The following LRRIQ3 variants were observed in gnomAD, a reference collection of about 807,000 sequenced individuals.
The protein encoded by LRRIQ3 is leucine-rich repeat and IQ domain-containing protein 3.
A neutral mutation model predicts 59.3 loss-of-function variants in LRRIQ3; 75 were observed. That is an observed-to-expected ratio of 1.26 (90% CI 1.05 to 1.53). The LOEUF (loss-of-function observed/expected upper bound fraction) is 1.53. LRRIQ3 is among the 40% of genes most tolerant of loss of function. The pLI is 0.00. For synonymous variants in LRRIQ3, 250 were observed against 231.3 expected (o/e 1.08, Z -0.73); for missense variants, 831 against 710.0 (o/e 1.17, Z -1.94).
chr1:74,032,914 C>G (rs1380413019), intron 7 of LRRIQ3, among the ~76,000 whole-genome samples: 2 of 151,818 alleles, frequency 1.3e-5, no homozygotes, highest in Non-Finnish European at 2.9e-5. Context: ...AATCATGAGA[C>G]AGCAGAAAAG....
At chr1:74,162,496 C>A (rs138193433) in intron 3 of LRRIQ3, among the ~76,000 whole-genome samples, 8 of 151,516 alleles carry the variant, frequency 5.3e-5, no homozygotes, top group African/African-American at 1.9e-4. Flanking sequence ...AATCCTGGAA[C>A]GAAATAGAGT....
intron 6 of LRRIQ3, among the ~76,000 whole-genome samples, chr1:74,067,960 AC>A (rs2100461032): frequency 6.6e-6 from 1 of 152,176 alleles, no homozygotes; most frequent in East Asian, 1.9e-4. Flanking sequence ...CTATAAGGTA[AC>A]TTGCCAAACA....
intron 3 of LRRIQ3, chr1:74,180,956 A>G (rs550958794): frequency 1.5e-6 from 1 of 675,614 alleles, no homozygotes; most frequent in South Asian, 2.0e-5. Flanking sequence ...ATGGTTGTTT[A>G]GTTTTATTTT....
At chr1:74,066,903 C>T (rs11579809) in intron 6 of LRRIQ3, among the ~76,000 whole-genome samples, 49,054 of 151,814 alleles carry the variant, frequency 0.32, 9,774 homozygotes, top group East Asian at 0.77. Flanking sequence ...GCTAAAGCAA[C>T]GAAATAAAGA....
At chr1:74,096,223 C>A (rs925768504) in intron 5 of LRRIQ3, among the ~76,000 whole-genome samples, 1 of 151,908 alleles carries the variant, frequency 6.6e-6, no homozygotes, top group African/African-American at 2.4e-5. Context: ...GTCATGCAGC[C>A]TCTGGAAAAA....
intron 4 of LRRIQ3, among the ~76,000 whole-genome samples, chr1:74,140,366 C>T (rs1300019794): frequency 1.3e-5 from 2 of 151,640 alleles, no homozygotes; most frequent in African/African-American, 2.4e-5. Flanking sequence ...GACTGATTGA[C>T]ATAATGATTT....
chr1:74,106,381 G>A (rs971545414), intron 5 of LRRIQ3, among the ~76,000 whole-genome samples: 13 of 151,924 alleles, frequency 8.6e-5, no homozygotes, highest in African/African-American at 3.1e-4. Flanking sequence ...ATGGCGGGGG[G>A]AGGAAGGGAG....
At chr1:74,071,020 C>CAT (rs34448621) in intron 6 of LRRIQ3, among the ~76,000 whole-genome samples, 2,042 of 147,906 alleles carry the variant, frequency 0.014, 32 homozygotes, top group African/African-American at 0.041. Context: ...GCTATATATA[C>CAT]ATATATATAT....
intron 6 of LRRIQ3, among the ~76,000 whole-genome samples, chr1:74,071,553 T>A (rs921104323): frequency 6.6e-6 from 1 of 152,194 alleles, no homozygotes; most frequent in Non-Finnish European, 1.5e-5. Context: ...CTACCCTTGA[T>A]GTCCCAGATG....
chr1:74,116,642 T>C (rs1403571188), intron 4 of LRRIQ3, among the ~76,000 whole-genome samples: 1 of 152,030 alleles, frequency 6.6e-6, no homozygotes, highest in Non-Finnish European at 1.5e-5. Flanking sequence ...AGTAGAAAAA[T>C]ACAAGGAAGT....
chr1:74,112,453 T>A (rs1391266514), intron 4 of LRRIQ3, among the ~76,000 whole-genome samples: 1 of 152,030 alleles, frequency 6.6e-6, no homozygotes, highest in East Asian at 1.9e-4. Context: ...AAGAAGAATA[T>A]CGGGATTAGA....
chr1:74,027,408 T>C (rs1461840317), intron 7 of LRRIQ3, among the ~76,000 whole-genome samples: 1 of 152,110 alleles, frequency 6.6e-6, no homozygotes, highest in African/African-American at 2.4e-5. Flanking sequence ...AATGACATTA[T>C]ATGGGTAGGT....
chr1:74,118,691 G>T (rs1489943833), intron 4 of LRRIQ3, among the ~76,000 whole-genome samples: 3 of 151,874 alleles, frequency 2.0e-5, no homozygotes, highest in Admixed American at 1.3e-4. Context: ...AAAATATAGA[G>T]ATATATATAT....
At chr1:74,125,709 G>A (rs1646925888) in intron 4 of LRRIQ3, among the ~76,000 whole-genome samples, 1 of 151,718 alleles carries the variant, frequency 6.6e-6, no homozygotes, top group African/African-American at 2.4e-5. Flanking sequence ...ATTCCACTTG[G>A]TGGTGATGAA....
intron 5 of LRRIQ3, among the ~76,000 whole-genome samples, chr1:74,077,494 C>G (rs1467557930): frequency 6.6e-6 from 1 of 151,698 alleles, no homozygotes; most frequent in Non-Finnish European, 1.5e-5. Context: ...GATATCCAAA[C>G]TCTATCACAA....
At chr1:74,194,553 A>C (rs1253780946) in intron 1 of LRRIQ3, among the ~76,000 whole-genome samples, 1 of 152,126 alleles carries the variant, frequency 6.6e-6, no homozygotes, top group African/African-American at 2.4e-5. Context: ...TTCAGAAAAA[A>C]AGCTTTTGTG....
intron 3 of LRRIQ3, among the ~76,000 whole-genome samples, chr1:74,174,207 CTTT>C (rs956770884): frequency 2.6e-5 from 4 of 151,506 alleles, no homozygotes; most frequent in African/African-American, 2.4e-5. Context: ...TTTCTTCACA[CTTT>C]TTTTTTCTTT....
At chr1:74,110,520 A>G (rs1318808522) in intron 4 of LRRIQ3, among the ~76,000 whole-genome samples, 3 of 152,072 alleles carry the variant, frequency 2.0e-5, no homozygotes, top group Non-Finnish European at 4.4e-5. Context: ...AAACAGGATC[A>G]AAAGAAACCA....
intron 6 of LRRIQ3, 111 bp from the exon 7 acceptor site, chr1:74,042,044 G>C: frequency 8.9e-7 from 1 of 1,126,938 alleles, no homozygotes; most frequent in Non-Finnish European, 1.2e-6. Context: ...ACTTTACTAA[G>C]AAGAATTTTT....
Sources: gnomAD v4.1 joint callset for allele counts (sites outside exome capture counted in the v4.1 genomes callset) on GRCh38, gnomAD v4.1.1 for gene constraint, MANE v1.5 for transcripts, NCBI Gene and HGNC (gene_info 2026-07-23, HGNC 2026-07-21) for gene names.